The following DMRT1 variants were observed in gnomAD, a reference collection of about 807,000 sequenced individuals.
The protein encoded by DMRT1 is doublesex- and mab-3-related transcription factor 1.
In DMRT1, 7 loss-of-function variants were observed where a neutral mutation model predicts 32.3. That is an observed-to-expected ratio of 0.22 (90% CI 0.12 to 0.41). The LOEUF (loss-of-function observed/expected upper bound fraction) is 0.41, where lower values mean the gene tolerates loss of function less well. Ranked by LOEUF, DMRT1 falls within the 10% of genes least tolerant of loss-of-function variation. DMRT1 has a pLI of 1.00. For synonymous variants in DMRT1, 278 were observed against 206.1 expected (o/e 1.35, Z -2.99); for missense variants, 625 against 500.5 (o/e 1.25, Z -2.37).
chr9:886,138 G>C (rs16925225), intron 2 of DMRT1, among the ~76,000 whole-genome samples: 10,234 of 152,178 alleles, frequency 0.067, 688 homozygotes, highest in African/African-American at 0.18. Context: ...TTAAAAGTCC[G>C]TGTTACAGTG....
chr9:960,709 C>G (rs993000290), intron 4 of DMRT1, among the ~76,000 whole-genome samples: 7 of 152,186 alleles, frequency 4.6e-5, no homozygotes, highest in Non-Finnish European at 1.0e-4. Context: ...ACAGGTACTC[C>G]TAAGTGAGAG....
At chr9:920,878 T>TGTC (rs1309586150) in intron 4 of DMRT1, among the ~76,000 whole-genome samples, 2 of 152,094 alleles carry the variant, frequency 1.3e-5, no homozygotes, top group Non-Finnish European at 2.9e-5. Context: ...CTTTGTTACT[T>TGTC]GTCTAAGAGG....
intron 4 of DMRT1, among the ~76,000 whole-genome samples, chr9:931,780 C>G (rs554279595): frequency 6.6e-6 from 1 of 152,300 alleles, no homozygotes; most frequent in East Asian, 1.9e-4. Context: ...TCCCTAAAGG[C>G]CCTGTCTCCA....
chr9:855,320 T>C (rs1201952131), intron 2 of DMRT1, among the ~76,000 whole-genome samples: 1 of 152,190 alleles, frequency 6.6e-6, no homozygotes, highest in African/African-American at 2.4e-5. Flanking sequence ...AAGTTACAAA[T>C]AAATTTTATA....
chr9:901,206 G>A (rs1817560288), intron 3 of DMRT1, among the ~76,000 whole-genome samples: 1 of 152,052 alleles, frequency 6.6e-6, no homozygotes, highest in South Asian at 2.1e-4. Flanking sequence ...GTAGAGATGG[G>A]GTTTCACCAT....
chr9:870,479 T>A (rs1378452608), intron 2 of DMRT1, among the ~76,000 whole-genome samples: 2 of 152,080 alleles, frequency 1.3e-5, no homozygotes, highest in East Asian at 3.9e-4. Context: ...GATGAGTCCG[T>A]CCCGTGACAG....
intron 2 of DMRT1, among the ~76,000 whole-genome samples, chr9:888,030 G>A (rs986505480): frequency 2.2e-4 from 33 of 152,194 alleles, no homozygotes; most frequent in Admixed American, 1.8e-3. Context: ...TTACCCAGAA[G>A]TCTTCTGAAG....
chr9:884,368 CAAA>C (rs5895870), intron 2 of DMRT1, among the ~76,000 whole-genome samples: 4 of 138,242 alleles, frequency 2.9e-5, no homozygotes, highest in East Asian at 2.1e-4. Context: ...CATGTTAGTG[CAAA>C]AAAAAAAAAA....
intron 4 of DMRT1, among the ~76,000 whole-genome samples, chr9:944,336 TC>T (rs896128617): frequency 2.6e-5 from 4 of 152,184 alleles, no homozygotes; most frequent in Admixed American, 2.6e-4. Flanking sequence ...CAAGAGTAAT[TC>T]CAGGAAACAG....
At chr9:962,367 G>A (rs1194354072) in intron 4 of DMRT1, among the ~76,000 whole-genome samples, 1 of 152,190 alleles carries the variant, frequency 6.6e-6, no homozygotes, top group Non-Finnish European at 1.5e-5. Context: ...AAGGTGAGGA[G>A]TGAGGGGAGA....
chr9:949,446 G>A (rs1819359557), intron 4 of DMRT1, among the ~76,000 whole-genome samples: 1 of 152,124 alleles, frequency 6.6e-6, no homozygotes, highest in Non-Finnish European at 1.5e-5. Context: ...CTTATTTAGT[G>A]TATACAACTT....
At chr9:910,098 C>G (rs1817921131) in intron 3 of DMRT1, among the ~76,000 whole-genome samples, 1 of 152,128 alleles carries the variant, frequency 6.6e-6, no homozygotes, top group Non-Finnish European at 1.5e-5. Context: ...AGACTGTTCC[C>G]CTTTCTGCAA....
intron 2 of DMRT1, among the ~76,000 whole-genome samples, chr9:859,417 G>A (rs939709199): frequency 1.3e-5 from 2 of 152,176 alleles, no homozygotes; most frequent in African/African-American, 4.8e-5. Context: ...CAAAGGAAGT[G>A]GAGTAGGGGT....
Position 884,715 on chromosome 9 carries a change from A to G in DMRT1, c.539-9197A>G, listed in dbSNP as rs1233261607. On this transcript the variant is annotated intron_variant, in intron 2 of 4. Coordinates refer to ENST00000382276, the MANE Select transcript of DMRT1 (RefSeq NM_021951.3). ...GCCAGGTGCGGTGGCTCACGCCTGT[A>G]ATCCCAGCACTTTGGGAGGCCGAGG... Among the ~76,000 whole-genome samples the G allele has an allele frequency of 2.6e-5, 4 of 152,210 alleles. No individual in the cohort carries two copies. In the East Asian group the frequency reaches 7.7e-4, roughly 29 times the overall value.
chr9:905,545 T>C (rs916089824), intron 3 of DMRT1, among the ~76,000 whole-genome samples: 1 of 151,200 alleles, frequency 6.6e-6, no homozygotes, highest in South Asian at 2.1e-4. Flanking sequence ...CTAAAGTTTA[T>C]GTACTTAAAA....
intron 4 of DMRT1, among the ~76,000 whole-genome samples, chr9:946,243 C>T (rs981631812): frequency 6.6e-6 from 1 of 151,866 alleles, no homozygotes; most frequent in Non-Finnish European, 1.5e-5. Context: ...TTGAATACTG[C>T]CAAATTAACC....
chr9:904,650 A>C (rs576680306), intron 3 of DMRT1, among the ~76,000 whole-genome samples: 13 of 152,356 alleles, frequency 8.5e-5, no homozygotes, highest in Admixed American at 2.0e-4. Flanking sequence ...AAGAAAACTC[A>C]AAAGACCCAT....
Position 941,186 on chromosome 9 carries a change from A to G in DMRT1, c.967+24279A>G, listed in dbSNP as rs139266356. Among the ~76,000 whole-genome samples, 108 of 152,314 alleles carry G rather than the reference A, an allele frequency of 7.1e-4. 1 individual carries two copies. Among genetic ancestry groups the G allele is most frequent in the African/African-American group, 2.4e-3 (99 of 41,566 alleles). Reference sequence around the variant, plus strand: ...AATTACACTTCTTGATATTTACCCCAAAGAAGTGAAAGCAGGGTCCAGAGA... The same window carrying G: ...AATTACACTTCTTGATATTTACCCCGAAGAAGTGAAAGCAGGGTCCAGAGA... On this transcript the variant is annotated intron_variant, in intron 4 of 4. Transcript: ENST00000382276.
At position 894,158 on chromosome 9, in the gene DMRT1, G is replaced by C. The variant is rs1456284222; in HGVS notation, c.785G>C (p.Gly262Ala). The stretch of plus-strand genomic sequence containing the variant: ...AAGAACAGCCTTCGGGGCCTCCCCG[G>C]ACCTTATGTGCCTGGTCAGACAGGA... ...PVKNSLRGLPGPYVPGQTGNQ... is the reference protein window; with the variant it reads ...PVKNSLRGLPAPYVPGQTGNQ... Residue 262 changes from glycine to alanine, a missense_variant, in exon 3 of 5, where the codon GGA (glycine) becomes GCA (alanine). Gly to Ala is a moderately conservative substitution (Grantham distance 60, BLOSUM62 0). This residue lies in a region of DMRT1 where 416 missense variants were observed against 321.6 expected (regional missense o/e 1.29). Transcript: ENST00000382276. The C allele has an allele frequency of 1.9e-6, 3 of 1,613,864 alleles. No individual in the cohort carries two copies. The highest frequency in any genetic ancestry group is 2.2e-5 in the East Asian group (1 of 44,876).
Sources: allele counts gnomAD v4.1 joint callset (sites outside exome capture counted in the v4.1 genomes callset), GRCh38; gene constraint gnomAD v4.1.1; regional missense constraint gnomAD v4.1.1; transcripts MANE v1.5; gene names NCBI Gene and HGNC (gene_info 2026-07-23, HGNC 2026-07-21).